MMP12: variants seen among roughly 807,000 people sequenced by gnomAD.
The protein encoded by MMP12 is macrophage metalloelastase.
In MMP12, 51 loss-of-function variants were observed where a neutral mutation model predicts 45.2. The ratio of observed to expected loss-of-function variants is 1.13; its 90% confidence interval spans 0.90 to 1.42. MMP12 has a LOEUF of 1.42. Ranked by LOEUF, MMP12 falls within the 40% of genes most tolerant of loss-of-function variation. The pLI is 0.00. For synonymous variants in MMP12, 210 were observed against 193.3 expected, an observed-to-expected ratio of 1.09 and a Z score of -0.72; for missense variants, 530 against 570.8, an observed-to-expected ratio of 0.93 and a Z score of 0.73.
At chr11:102,864,390 C>A in intron 8 of MMP12, 138 bp from the exon 9 acceptor site, 1 of 635,242 alleles carries the variant, frequency 1.6e-6, no homozygotes. Context: ...AGGACCTAAA[C>A]AGTTCACTGA....
rs201780738 is a variant in MMP12 at position 102,871,868 on chromosome 11, G to A, written c.435C>T (p.Thr145=). The A allele has an allele frequency of 3.9e-4, 631 of 1,613,620 alleles. No individual in the cohort carries two copies. Among genetic ancestry groups the A allele is most frequent in the Non-Finnish European group, 4.8e-4 (569 of 1,179,802 alleles). ...RKAFQVWSNV[T]PLKFSKINTG... The stretch of plus-strand genomic sequence containing the variant: ...TGTTAATCTTGCTGAATTTCAAGGG[G>A]GTAACATTACTCCATACTTGGAAAG... The change falls in exon 3 of 10, where the codon ACC becomes ACT. Residue 145 remains threonine, a synonymous_variant. Coordinates refer to ENST00000571244, the MANE Select transcript of MMP12 (RefSeq NM_002426.6).
intron 2 of MMP12, among the ~76,000 whole-genome samples, chr11:102,872,250 T>C (rs1555009490): frequency 6.6e-6 from 1 of 152,234 alleles, no homozygotes. Flanking sequence ...TTTATCCATC[T>C]TGACTACTCT....
At chr11:102,868,776 A>G (rs1859442177) in intron 4 of MMP12, among the ~76,000 whole-genome samples, 1 of 152,204 alleles carries the variant, frequency 6.6e-6, no homozygotes, top group Non-Finnish European at 1.5e-5. Flanking sequence ...ATGATTCTAA[A>G]TAAAATTAAA....
At chr11:102,864,047 C>G in intron 9 of MMP12, 99 bp downstream of exon 9, 1 of 921,962 alleles carries the variant, frequency 1.1e-6, no homozygotes, top group Non-Finnish European at 1.7e-6. Flanking sequence ...CTGCAGAAAC[C>G]TGTCCCTTTC....
Position 102,871,819 on chromosome 11 carries a change from C to T in MMP12, c.484G>A (p.Val162Ile). Reference protein sequence around the residue: ...INTGMADILVVFARGAHGDFH... With the variant: ...INTGMADILVIFARGAHGDFH... ...AGTTCCCTACCTCCACGGGCAAAAA[C>T]CACCAAAATGTCAGCCATGCCTGTG... The change falls in exon 3 of 10, where the codon GTT becomes ATT. Residue 162 changes from valine (V) to isoleucine (I), a missense_variant. Physicochemically the swap from Val to Ile is conservative, Grantham distance 29. Transcript: ENST00000571244. 1 of 1,613,436 alleles carries T rather than the reference C, an allele frequency of 6.2e-7. No individual in the cohort carries two copies. Among genetic ancestry groups the T allele is most frequent in the Non-Finnish European group, 8.5e-7 (1 of 1,179,630 alleles).
intron 2 of MMP12, 93 bp from the exon 3 acceptor site, chr11:102,872,045 T>C (rs1159302316): frequency 7.6e-7 from 1 of 1,309,658 alleles, no homozygotes; most frequent in Non-Finnish European, 1.0e-6. Context: ...AATTGGAAAA[T>C]GGATCATTTC....
At chr11:102,864,086 G>C in intron 9 of MMP12, 60 bp downstream of exon 9, 1 of 1,278,194 alleles carries the variant, frequency 7.8e-7, no homozygotes, top group East Asian at 2.4e-5. Context: ...TCTAATCTTA[G>C]AGGATTTATA....
At position 102,874,851 on chromosome 11, in the gene MMP12, A is replaced by G. The variant is rs782203015; in HGVS notation, c.87T>C (p.Asn29=). 10 of 1,602,524 alleles carry G rather than the reference A, an allele frequency of 6.2e-6. No individual in the cohort carries two copies. The highest frequency in any genetic ancestry group is 8.5e-6 in the Non-Finnish European group (10 of 1,173,508). The change falls in exon 1 of 10, where the codon AAT becomes AAC. Residue 29 remains asparagine, a synonymous_variant. Transcript: ENST00000571244. ...LNSSTSLEKN[N]VLFGERYLEK... Reference sequence around the variant, plus strand: ...CCATACTTACTTCACCAAATAGCACATTATTTTTTTCCAGGCTTGTAGAGC... The same window carrying G: ...CCATACTTACTTCACCAAATAGCACGTTATTTTTTTCCAGGCTTGTAGAGC...
Position 102,866,367 on chromosome 11 carries a change from GC to G in MMP12, c.992del (p.Gly331AlafsTer24), listed in dbSNP as rs1859387515. On this transcript the variant is annotated frameshift_variant, in exon 7 of 10. Transcript: ENST00000571244. LOFTEE classifies it high-confidence loss of function. The part of the protein sequence containing the change: ...ISSLWPTLPS[G>X]IEAAYEIEAR... ...CTTCAATTTCATAAGCAGCTTCAATGCCAGATGGCAAGGTTGGCCATAAGGA... is the reference window on the plus strand; with the variant it reads ...CTTCAATTTCATAAGCAGCTTCAATGCAGATGGCAAGGTTGGCCATAAGGA... 14 of 1,602,972 alleles carry G rather than the reference GC, an allele frequency of 8.7e-6. No homozygotes were observed. The highest frequency in any genetic ancestry group is 1.1e-5 in the Non-Finnish European group (13 of 1,174,412).
rs535481399 is a variant in MMP12 at position 102,865,905 on chromosome 11, C to T, written c.1076G>A (p.Arg359Lys). ...DDKYWLISNL[R>K]PEPNYPKSIH... ...GCTCTTGGGATAATTTGGCTCTGGT[C>T]TTAAATTGCTAATTAACCAGTATTT... Residue 359 changes from arginine (R) to lysine (K), a missense_variant, in exon 8 of 10, where the codon AGA (arginine) becomes AAA (lysine). By Grantham distance (26) the Arg-to-Lys change is conservative (BLOSUM62 2). Coordinates refer to ENST00000571244, the MANE Select transcript of MMP12 (RefSeq NM_002426.6). This position sits in a 1 kb window ranked among gnomAD's most constrained non-coding sequence, Gnocchi z 4.1. 2 of 1,612,356 alleles carry T rather than the reference C, an allele frequency of 1.2e-6. No homozygotes were observed. The highest frequency in any genetic ancestry group is 1.1e-5 in the South Asian group (1 of 90,850).
In MMP12 at chr11:102,863,802, C is replaced by T. The variant is rs1157710281; in HGVS notation, c.1312+344G>A. On this transcript the variant is annotated intron_variant, in intron 9 of 9. Transcript: ENST00000571244. ...GTGCAAGGTGTAGGAAAGGGTGAGA[C>T]TCCAGACTGCCTGAGTCTTGGCTGC... Among the ~76,000 whole-genome samples, 3 of 152,206 alleles carry T rather than the reference C, an allele frequency of 2.0e-5. No homozygotes were observed. In the East Asian group the frequency reaches 5.8e-4, roughly 29 times the overall value.
rs1859344617 is a variant in MMP12 at position 102,864,240 on chromosome 11, C to T, written c.1218G>A (p.Arg406=). 1.2e-6 allele frequency: 2 copies of T among 1,612,790 alleles called. No homozygotes were observed. Among genetic ancestry groups the T allele is most frequent in the African/African-American group, 2.7e-5 (2 of 74,884 alleles). The change falls in exon 9 of 10, where the codon AGG becomes AGA. Residue 406 remains arginine (R), a synonymous_variant. Transcript: ENST00000571244. ...VDNQYWRYDE[R]RQMMDPGYPK... ...GATAACCAGGGTCCATCATCTGTCT[C>T]CTTTCATCATACCTGAGCAAAGAAG...
intron 8 of MMP12, 61 bp from the exon 9 acceptor site, chr11:102,864,313 C>A: frequency 1.8e-6 from 2 of 1,081,538 alleles, no homozygotes; most frequent in Non-Finnish European, 2.8e-6. Context: ...ACATGCACCA[C>A]AAACCCACCT....
In MMP12 at chr11:102,865,637, G is replaced by T; in HGVS notation, c.1205+139C>A. The T allele has an allele frequency of 3.5e-6, 2 of 575,198 alleles. No individual in the cohort carries two copies. Among genetic ancestry groups the T allele is most frequent in the Non-Finnish European group, 5.6e-6 (2 of 355,562 alleles). The allele number at this position is 575,198 out of a possible 1,614,324, so 35.6% of individuals were successfully genotyped here. A position where few individuals can be genotyped will look rare whatever the true frequency, so the allele number is the denominator to read the frequency against. On this transcript the variant is annotated intron_variant, in intron 8 of 9. Transcript: ENST00000571244. The surrounding 1 kb of genome is among the most constrained non-coding windows in gnomAD (Gnocchi z 4.1). The stretch of plus-strand genomic sequence containing the variant: ...AACTAAGTTGACAATAACTATTTCA[G>T]TCCTATATTCTCTTAATCTCTCTCC...
At chr11:102,869,875 C>T (rs1454731527) in intron 4 of MMP12, among the ~76,000 whole-genome samples, 2 of 152,210 alleles carry the variant, frequency 1.3e-5, no homozygotes, top group East Asian at 3.9e-4. Flanking sequence ...GCTGAGATTG[C>T]ACCACTGCAC....
chr11:102,871,794 A>T lies in MMP12; in HGVS notation c.499+10T>A. 6.2e-7 allele frequency: 1 copy of T among 1,613,106 alleles called. No homozygotes were observed. Among genetic ancestry groups the T allele is most frequent in the Non-Finnish European group, 8.5e-7 (1 of 1,179,462 alleles). ...TGCCAAATGACAAAGATGAAATACA[A>T]GTTCCCTACCTCCACGGGCAAAAAC... On this transcript the variant is annotated intron_variant, in intron 3 of 9. Coordinates refer to ENST00000571244, the MANE Select transcript of MMP12 (RefSeq NM_002426.6).
chr11:102,874,567 T>C (rs1859560166), intron 1 of MMP12, among the ~76,000 whole-genome samples: 2 of 152,348 alleles, frequency 1.3e-5, no homozygotes, highest in Admixed American at 6.5e-5. Flanking sequence ...CCAATTATAT[T>C]GAATGGAAAT....
At chr11:102,866,584 T>C in intron 6 of MMP12, 136 bp from the exon 7 acceptor site, 4 of 870,836 alleles carry the variant, frequency 4.6e-6, no homozygotes, top group Non-Finnish European at 7.0e-6. Flanking sequence ...GGATGTCTGA[T>C]GTTCATGGAT....
At position 102,874,852 on chromosome 11, in the gene MMP12, T is replaced by G; in HGVS notation, c.86A>C (p.Asn29Thr). The change falls in exon 1 of 10, where the codon AAT (asparagine) becomes ACT (threonine). Residue 29 changes from asparagine (N) to threonine (T), a missense_variant. Asn to Thr is a moderately conservative substitution (Grantham distance 65). Transcript: ENST00000571244. The stretch of plus-strand genomic sequence containing the variant: ...CATACTTACTTCACCAAATAGCACA[T>G]TATTTTTTTCCAGGCTTGTAGAGCT... ...LNSSTSLEKN[N>T]VLFGERYLEK... 6.2e-7 allele frequency: 1 copy of G among 1,603,052 alleles called. No individual in the cohort carries two copies. Among genetic ancestry groups the G allele is most frequent in the East Asian group, 2.2e-5 (1 of 44,654 alleles).
Sources: allele counts gnomAD v4.1 joint callset (sites outside exome capture counted in the v4.1 genomes callset), GRCh38; gene constraint gnomAD v4.1.1; non-coding constraint Gnocchi (gnomAD v3.1); transcripts MANE v1.5; gene names NCBI Gene and HGNC (gene_info 2026-07-23, HGNC 2026-07-21).